Variants in BACH2 observed in about 807,000 individuals in gnomAD.
BACH2 encodes BACH transcriptional regulator 2, also known as transcription regulator protein BACH2.
In BACH2, 5 loss-of-function variants were observed where a neutral mutation model predicts 61.8. That is an observed-to-expected ratio of 0.08 (90% confidence interval 0.04 to 0.17). The LOEUF (loss-of-function observed/expected upper bound fraction) is 0.17. BACH2 is among the 10% of genes least tolerant of loss of function. The pLI is 1.00. For synonymous variants in BACH2, 446 were observed against 440.1 expected, an observed-to-expected ratio of 1.01 and a Z score of -0.17; for missense variants, 824 against 1,091.1, an observed-to-expected ratio of 0.76 and a Z score of 3.45.
rs527640841 is a variant in BACH2, at chr6:90,007,263, A to G, written c.243+1339T>C. Among the ~76,000 whole-genome samples, 190 of 152,000 alleles carry G rather than the reference A, an allele frequency of 1.3e-3. 1 individual carries two copies. The highest frequency in any genetic ancestry group is 4.3e-3 in the African/African-American group (177 of 41,462). Reference sequence around the variant, plus strand: ...CTAATATTTTGTATTTTTGGTAGAGATGGGGTTTCACCATGTTGGGCAGGC... The same window carrying G: ...CTAATATTTTGTATTTTTGGTAGAGGTGGGGTTTCACCATGTTGGGCAGGC... On this transcript the variant is annotated intron_variant, in intron 6 of 8. Transcript: ENST00000257749.
chr6:89,973,738 C>T (rs1478757260), intron 6 of BACH2, among the ~76,000 whole-genome samples: 3 of 152,032 alleles, frequency 2.0e-5, no homozygotes, highest in African/African-American at 7.3e-5. Flanking sequence ...CTAGAGGAGT[C>T]TTATTCTCTC....
intron 8 of BACH2, among the ~76,000 whole-genome samples, chr6:89,934,287 G>A (rs1219722996): frequency 6.6e-6 from 1 of 152,206 alleles, no homozygotes; most frequent in Non-Finnish European, 1.5e-5. Flanking sequence ...ATGCTCCTGT[G>A]TTACTGAAAT....
At chr6:89,973,149 C>A (rs1775462823) in intron 6 of BACH2, among the ~76,000 whole-genome samples, 1 of 152,090 alleles carries the variant, frequency 6.6e-6, no homozygotes, top group Non-Finnish European at 1.5e-5. Flanking sequence ...GGCCTGTAAT[C>A]CCAACTACTC....
chr6:90,121,766 G>A (rs545135899), intron 4 of BACH2, among the ~76,000 whole-genome samples: 10 of 152,152 alleles, frequency 6.6e-5, no homozygotes, highest in African/African-American at 2.2e-4. Context: ...GGCTGGTCTC[G>A]AACTCCTGAC....
chr6:90,008,330 T>G lies in BACH2; in HGVS notation c.243+272A>C. 2 of 508,186 alleles carry G rather than the reference T, an allele frequency of 3.9e-6. No homozygotes were observed. Among genetic ancestry groups the G allele is most frequent in the Non-Finnish European group, 7.1e-6 (2 of 280,688 alleles). 31.5% of individuals were successfully genotyped at this position (508,186 alleles called of 1,614,324 possible). A position where few individuals can be genotyped will look rare whatever the true frequency, so the allele number is the denominator to read the frequency against. ...CTGTGCCAAACTTAGGCTGAACCAC[T>G]CAAAACCTGAAGGGTAAGTGAACTA... On this transcript the variant is annotated intron_variant, in intron 6 of 8. Transcript: ENST00000257749. This position sits in a 1 kb window ranked among gnomAD's most constrained non-coding sequence, Gnocchi z 4.1.
intron 5 of BACH2, among the ~76,000 whole-genome samples, chr6:90,015,546 T>G (rs1381606160): frequency 6.6e-6 from 1 of 152,200 alleles, no homozygotes; most frequent in African/African-American, 2.4e-5. Flanking sequence ...TACACACGTG[T>G]TTTTTGGCTT....
chr6:90,185,351 TA>T (rs1216555864), intron 4 of BACH2, among the ~76,000 whole-genome samples: 1 of 152,144 alleles, frequency 6.6e-6, no homozygotes, highest in East Asian at 1.9e-4. Flanking sequence ...CCTAATATTA[TA>T]AAATCACTAA....
chr6:90,011,869 G>A (rs1182112066), intron 5 of BACH2, among the ~76,000 whole-genome samples: 15 of 143,150 alleles, frequency 1.0e-4, no homozygotes, highest in Non-Finnish European at 2.0e-4. Context: ...TGCAGTGGCC[G>A]AGATCACACC....
chr6:89,999,877 A>T (rs924470281), intron 6 of BACH2, among the ~76,000 whole-genome samples: 1 of 152,256 alleles, frequency 6.6e-6, no homozygotes, highest in Non-Finnish European at 1.5e-5. Context: ...GTCATCCTAC[A>T]TCAGATAGGG....
intron 4 of BACH2, among the ~76,000 whole-genome samples, chr6:90,179,377 T>C (rs888277823): frequency 6.6e-6 from 1 of 152,232 alleles, no homozygotes. Context: ...TGCTAATATT[T>C]AGAAAAATAA....
At chr6:89,964,540 T>C (rs1774941812) in intron 6 of BACH2, among the ~76,000 whole-genome samples, 1 of 152,236 alleles carries the variant, frequency 6.6e-6, no homozygotes, top group Non-Finnish European at 1.5e-5. Flanking sequence ...ATACTGCCGC[T>C]TTCTTCTAAA....
At chr6:89,990,127 C>T (rs1776464113) in intron 6 of BACH2, among the ~76,000 whole-genome samples, 1 of 152,176 alleles carries the variant, frequency 6.6e-6, no homozygotes, top group Admixed American at 6.5e-5. Context: ...CACATATTCT[C>T]CCTTTCCCAC....
At chr6:90,100,341 T>G (rs1347885696) in intron 4 of BACH2, among the ~76,000 whole-genome samples, 1 of 152,212 alleles carries the variant, frequency 6.6e-6, no homozygotes, top group African/African-American at 2.4e-5. Context: ...TGTGTTAATT[T>G]GGCTAAGTCA....
chr6:90,191,344 C>T lies in BACH2; in HGVS notation c.-162+15225G>A, dbSNP rs188839153. Among the ~76,000 whole-genome samples, 242 of 152,254 alleles carry T rather than the reference C, an allele frequency of 1.6e-3. 1 individual carries two copies. Among genetic ancestry groups the T allele is most frequent in the Admixed American group, 0.014 (214 of 15,284 alleles). ...AAGTGGCAGTCTACTAAACTGTCACCGAGTAAAAGTCCTAGAGACTTGCTT... is the reference window on the plus strand; with the variant it reads ...AAGTGGCAGTCTACTAAACTGTCACTGAGTAAAAGTCCTAGAGACTTGCTT... On this transcript the variant is annotated intron_variant, in intron 4 of 8. Coordinates refer to ENST00000257749, the MANE Select transcript of BACH2 (RefSeq NM_021813.4).
At chr6:89,973,226 C>G (rs1185888811) in intron 6 of BACH2, among the ~76,000 whole-genome samples, 2 of 151,282 alleles carry the variant, frequency 1.3e-5, no homozygotes, top group Non-Finnish European at 2.9e-5. Context: ...ACACTGAGAC[C>G]CCATCTCTAA....
intron 1 of BACH2, among the ~76,000 whole-genome samples, chr6:90,288,538 C>T (rs1469766550): frequency 6.6e-6 from 1 of 152,060 alleles, no homozygotes; most frequent in Non-Finnish European, 1.5e-5. Context: ...CTGGCCCAGG[C>T]AGAGCTGAGT....
intron 5 of BACH2, among the ~76,000 whole-genome samples, chr6:90,078,857 C>G (rs1474287987): frequency 6.6e-6 from 1 of 152,104 alleles, no homozygotes; most frequent in East Asian, 1.9e-4. Context: ...TCATTGTAAC[C>G]ACTGTGCCAC....
chr6:90,035,836 G>A (rs1779235758), intron 5 of BACH2, among the ~76,000 whole-genome samples: 2 of 151,896 alleles, frequency 1.3e-5, no homozygotes, highest in Admixed American at 1.3e-4. Context: ...CAAGGTCGCA[G>A]AACCATTTAG....
At chr6:90,151,838 T>C (rs1784822911) in intron 4 of BACH2, among the ~76,000 whole-genome samples, 1 of 152,224 alleles carries the variant, frequency 6.6e-6, no homozygotes, top group Admixed American at 6.5e-5. Flanking sequence ...ATTTTCCCTA[T>C]GTCTTTATAG....
Sources: allele counts gnomAD v4.1 joint callset (sites outside exome capture counted in the v4.1 genomes callset), GRCh38; gene constraint gnomAD v4.1.1; non-coding constraint Gnocchi (gnomAD v3.1); transcripts MANE v1.5; gene names NCBI Gene and HGNC (gene_info 2026-07-23, HGNC 2026-07-21).